Variants in SLC14A2 observed in about 807,000 individuals in gnomAD.
SLC14A2 encodes the protein solute carrier family 14 member 2.
SLC14A2 carries 91 observed loss-of-function variants against 104.6 expected under a neutral mutation model. That is an observed-to-expected ratio of 0.87 (90% CI 0.73 to 1.04). The LOEUF (loss-of-function observed/expected upper bound fraction) is 1.04. Among genes scored for constraint, SLC14A2 ranks in the 50% least tolerant of loss-of-function variants. The pLI is 0.00. For synonymous variants in SLC14A2, 476 were observed against 466.4 expected (o/e 1.02, Z -0.27); for missense variants, 1,189 against 1,156.0 (o/e 1.03, Z -0.41).
At chr18:45,644,459 T>C (rs2045585672) in intron 10 of SLC14A2, 1 of 278,158 alleles carries the variant, frequency 3.6e-6, no homozygotes, top group Non-Finnish European at 6.8e-6. Flanking sequence ...AACAGTAGTC[T>C]TTTGGAAAGG....
intron 1 of SLC14A2, among the ~76,000 whole-genome samples, chr18:45,381,233 C>T (rs1347729472): frequency 6.6e-6 from 1 of 152,234 alleles, no homozygotes; most frequent in Non-Finnish European, 1.5e-5. Context: ...TCTGGCAAGT[C>T]TGAATCCACC....
intron 2 of SLC14A2, among the ~76,000 whole-genome samples, chr18:45,609,023 T>C (rs2044923853): frequency 6.6e-6 from 1 of 152,164 alleles, no homozygotes; most frequent in Non-Finnish European, 1.5e-5. Flanking sequence ...GGGAAGATTG[T>C]TGCTTCATCC....
chr18:45,491,486 A>G (rs961355718), intron 2 of SLC14A2, among the ~76,000 whole-genome samples: 26 of 152,372 alleles, frequency 1.7e-4, no homozygotes, highest in African/African-American at 6.3e-4. Flanking sequence ...GAATAGGCTC[A>G]CAGAAAGGAT....
chr18:45,329,819 G>C (rs1252642195), intron 1 of SLC14A2, among the ~76,000 whole-genome samples: 1 of 152,106 alleles, frequency 6.6e-6, no homozygotes, highest in African/African-American at 2.4e-5. Flanking sequence ...CCAACACAAA[G>C]AAACAAACAA....
At chr18:45,261,183 G>A (rs1204948568) in intron 1 of SLC14A2, among the ~76,000 whole-genome samples, 2 of 150,010 alleles carry the variant, frequency 1.3e-5, no homozygotes, top group African/African-American at 4.9e-5. Context: ...CCCACAACAG[G>A]CCCCGGTGTG....
rs538150396 is a variant in SLC14A2, at chr18:45,676,439, A to G, written c.2513-2536A>G. ...TCCCTGGCTACCAACTCCAAGTTCT[A>G]CTTATTCACTAAGGGATATTCATGT... On this transcript the variant is annotated intron_variant, in intron 18 of 19. Coordinates refer to ENST00000255226, the MANE Select transcript of SLC14A2 (RefSeq NM_007163.4). Among the ~76,000 whole-genome samples the G allele has an allele frequency of 1.1e-3, 174 of 152,324 alleles. 1 individual carries two copies. Among genetic ancestry groups the G allele is most frequent in the African/African-American group, 4.0e-3 (168 of 41,570 alleles).
the SLC14A2 span, among the ~76,000 whole-genome samples, chr18:45,201,551 AGTGTGTGTGTGT>A: frequency 1.3e-5 from 2 of 149,516 alleles, no homozygotes; most frequent in African/African-American, 2.5e-5. Flanking sequence ...GTATGTGTGT[AGTGTGTGTGTGT>A]GTGTGTGTGT....
chr18:45,346,628 A>G lies in SLC14A2; in HGVS notation c.-125+133437A>G, dbSNP rs1192676616. On this transcript the variant is annotated intron_variant, in intron 1 of 20. Transcript: ENST00000586448. ...GGAAATTTAATATAAATTTATCAGT[A>G]TCAAAACATCAGACCTAGGCTGGGC... Among the ~76,000 whole-genome samples the G allele has an allele frequency of 2.6e-5, 4 of 152,322 alleles. No individual in the cohort carries two copies. In the East Asian group the frequency reaches 5.8e-4, roughly 22 times the overall value.
chr18:45,376,133 TCTC>T (rs1217990089), intron 1 of SLC14A2, among the ~76,000 whole-genome samples: 15 of 152,288 alleles, frequency 9.8e-5, no homozygotes, highest in African/African-American at 3.4e-4. Context: ...CATAGTTTCT[TCTC>T]CTTGAGGCTT....
At chr18:45,497,388 G>A (rs2043116896) in intron 2 of SLC14A2, among the ~76,000 whole-genome samples, 1 of 152,304 alleles carries the variant, frequency 6.6e-6, no homozygotes, top group Non-Finnish European at 1.5e-5. Flanking sequence ...TTCTTATCCT[G>A]TGTGGGGGTC....
intron 1 of SLC14A2, among the ~76,000 whole-genome samples, chr18:45,225,580 G>C (rs544861713): frequency 1.3e-5 from 2 of 152,232 alleles, no homozygotes; most frequent in East Asian, 3.9e-4. Context: ...AATTACCTTG[G>C]GCAGTATGGC....
chr18:45,668,008 C>G lies in SLC14A2; in HGVS notation c.1893C>G (p.Ile631Met), dbSNP rs751508002. ...GTIMSTLTAL[I>M]LSQDKSAIAA... is the part of the protein sequence containing the mutation. ...TCATGTCCACCTTGACAGCCCTCAT[C>G]CTGAGTCAGGACAAGTAAGTCCCAG... Residue 631 changes from isoleucine to methionine, a missense_variant, in exon 14 of 20, where the codon ATC (isoleucine) becomes ATG (methionine). Ile to Met is a conservative substitution (Grantham distance 10). Transcript: ENST00000255226. 3 of 1,614,112 alleles carry G rather than the reference C, an allele frequency of 1.9e-6. No homozygotes were observed. The East Asian group carries it at 6.7e-5, about 36-fold the overall frequency.
At chr18:45,648,195 CTTTTTTTT>C (rs59843067) in intron 10 of SLC14A2, among the ~76,000 whole-genome samples, 1 of 101,244 alleles carries the variant, frequency 9.9e-6, no homozygotes, top group East Asian at 3.2e-4. Flanking sequence ...CTAGTTAATG[CTTTTTTTT>C]TTTTTTTTTT....
At chr18:45,352,011 A>G (rs371262060) in intron 1 of SLC14A2, among the ~76,000 whole-genome samples, 4 of 152,292 alleles carry the variant, frequency 2.6e-5, no homozygotes, top group East Asian at 3.9e-4. Context: ...AGTCCATGAA[A>G]AAGAGTCATC....
intron 2 of SLC14A2, among the ~76,000 whole-genome samples, chr18:45,538,850 C>CTTTTTTTTTTTTTTT (rs61475766): frequency 9.5e-6 from 1 of 105,268 alleles, no homozygotes; most frequent in Non-Finnish European, 1.9e-5. Context: ...TCCCCCTTCC[C>CTTTTTTTTTTTTTTT]TTTTTTTTTT....
At chr18:45,668,524 A>G (rs1027705462) in intron 15 of SLC14A2, 47 bp downstream of exon 15, 3 of 1,607,856 alleles carry the variant, frequency 1.9e-6, no homozygotes, top group African/African-American at 2.7e-5. Context: ...ATGGCCACCA[A>G]CCTTTTCATC....
At chr18:45,172,052 T>C in the SLC14A2 span, among the ~76,000 whole-genome samples, 78 of 152,266 alleles carry the variant, frequency 5.1e-4, no homozygotes, top group Non-Finnish European at 9.9e-4. Flanking sequence ...TAATCTTCCA[T>C]GTGTATCAAT....
chr18:45,593,162 G>A (rs8093237), intron 2 of SLC14A2, among the ~76,000 whole-genome samples: 26,144 of 151,754 alleles, frequency 0.17, 2,301 homozygotes, highest in South Asian at 0.2. Flanking sequence ...CTAAAAATAC[G>A]AAAAAATTAG....
At chr18:45,578,737 C>T (rs1568283772) in intron 2 of SLC14A2, among the ~76,000 whole-genome samples, 1 of 152,230 alleles carries the variant, frequency 6.6e-6, no homozygotes. Flanking sequence ...TCTGATTCCT[C>T]ATTCCAACAA....
Sources: gnomAD v4.1 joint callset for allele counts (sites outside exome capture counted in the v4.1 genomes callset) on GRCh38, gnomAD v4.1.1 for gene constraint, MANE v1.5 for transcripts, NCBI Gene and HGNC (gene_info 2026-07-23, HGNC 2026-07-21) for gene names.